The following C10orf90 variants were observed in gnomAD, a reference collection of about 807,000 sequenced individuals.
C10orf90 encodes the protein chromosome 10 open reading frame 90.
C10orf90 carries 56 observed loss-of-function variants against 62.5 expected under a neutral mutation model. The observed-to-expected ratio is 0.90, with a 90% CI of 0.72 to 1.12. The LOEUF (loss-of-function observed/expected upper bound fraction) is 1.12. C10orf90 is among the 50% of genes most tolerant of loss of function. The probability of loss-of-function intolerance (pLI) is 0.00; values close to 1 mark genes in which losing one functional copy is unlikely to be tolerated. For missense variants in C10orf90, 970 were observed against 880.4 expected (o/e 1.10, Z -1.29); for synonymous variants, 386 against 340.4 (o/e 1.13, Z -1.47).
chr10:126,457,823 C>G (rs1055987375), intron 7 of C10orf90, among the ~76,000 whole-genome samples: 1 of 152,126 alleles, frequency 6.6e-6, no homozygotes, highest in African/African-American at 2.4e-5. Context: ...CTTTATTAGG[C>G]CAGAGATGAA....
At chr10:126,496,956 G>T (rs1862095089) in intron 4 of C10orf90, among the ~76,000 whole-genome samples, 1 of 152,172 alleles carries the variant, frequency 6.6e-6, no homozygotes, top group African/African-American at 2.4e-5. Flanking sequence ...GTATAACAAT[G>T]ACCTCTACAA....
intron 7 of C10orf90, among the ~76,000 whole-genome samples, chr10:126,441,565 G>A (rs903126536): frequency 3.9e-5 from 6 of 152,230 alleles, no homozygotes; most frequent in Non-Finnish European, 7.4e-5. Flanking sequence ...AAAGATCATC[G>A]CCTAGGCACA....
At chr10:126,581,526 C>CA (rs11375362) in intron 2 of C10orf90, among the ~76,000 whole-genome samples, 90,469 of 151,816 alleles carry the variant, frequency 0.6, 27,360 homozygotes, top group African/African-American at 0.69. Flanking sequence ...TCAGGTCAGT[C>CA]ATGTTTCCTC....
chr10:126,496,535 C>T lies in C10orf90; in HGVS notation c.1534+7422G>A, dbSNP rs117642956. On this transcript the variant is annotated intron_variant, in intron 4 of 9. Transcript: ENST00000488181. ...ACAATAAAGTTGTTCCTTGACAATA[C>T]TTGATTATTCTTACCGAGTTCCTAA... The T allele has an allele frequency of 4.7e-3, 1,843 of 394,684 alleles. 7 individuals are homozygous for T. The highest frequency in any genetic ancestry group is 6.5e-3 in the Middle Eastern group (5 of 770). The allele number at this position is 394,684 out of a possible 1,614,324, so 24.4% of individuals were successfully genotyped here.
intron 2 of C10orf90, among the ~76,000 whole-genome samples, chr10:126,588,353 A>G (rs1844914990): frequency 6.6e-6 from 1 of 152,238 alleles, no homozygotes; most frequent in Admixed American, 6.5e-5. Context: ...TTCTTTAAGC[A>G]GGTCCCTGAT....
At chr10:126,492,170 T>C (rs1591003380) in intron 4 of C10orf90, among the ~76,000 whole-genome samples, 1 of 152,370 alleles carries the variant, frequency 6.6e-6, no homozygotes, top group African/African-American at 2.4e-5. Flanking sequence ...TATAAGTCAA[T>C]TGTTCTCATT....
chr10:126,429,700 A>G, intron 8 of C10orf90, 87 bp downstream of exon 8: 1 of 1,020,950 alleles, frequency 9.8e-7, no homozygotes, highest in Non-Finnish European at 1.5e-6. Flanking sequence ...ACCTAGAAGC[A>G]GTGGTCCCAT....
At chr10:126,623,897 T>A (rs1845694343) in intron 2 of C10orf90, among the ~76,000 whole-genome samples, 1 of 150,986 alleles carries the variant, frequency 6.6e-6, no homozygotes, top group Admixed American at 6.6e-5. Context: ...TGCTCCAGGC[T>A]ACAGTCCCAG....
At chr10:126,590,233 T>C (rs566614459) in intron 2 of C10orf90, among the ~76,000 whole-genome samples, 5 of 152,162 alleles carry the variant, frequency 3.3e-5, no homozygotes, top group Admixed American at 2.6e-4. Flanking sequence ...TCCCACACAA[T>C]AATAGTGGGA....
chr10:126,457,279 G>A (rs1269283879), intron 7 of C10orf90, among the ~76,000 whole-genome samples: 2 of 152,204 alleles, frequency 1.3e-5, no homozygotes, highest in African/African-American at 4.8e-5. Flanking sequence ...GTGAGCCACT[G>A]GGCCCTGCCA....
At chr10:126,501,245 G>A (rs1405285055) in intron 4 of C10orf90, among the ~76,000 whole-genome samples, 2 of 152,344 alleles carry the variant, frequency 1.3e-5, no homozygotes, top group Non-Finnish European at 2.9e-5. Flanking sequence ...GGCTGTGCAA[G>A]GACAGCCCGT....
chr10:126,641,890 A>G (rs111990024), intron 2 of C10orf90, among the ~76,000 whole-genome samples: 75 of 152,318 alleles, frequency 4.9e-4, no homozygotes, highest in African/African-American at 1.7e-3. Context: ...ATTTAACTAT[A>G]AGAAATCCAC....
At chr10:126,488,582 GA>G (rs55936006) in intron 4 of C10orf90, among the ~76,000 whole-genome samples, 20,402 of 151,820 alleles carry the variant, frequency 0.13, 1,344 homozygotes, top group Non-Finnish European at 0.15. Flanking sequence ...GATATTTGGG[GA>G]AAAAATCAAT....
chr10:126,523,944 A>G (rs1266453059), intron 2 of C10orf90, among the ~76,000 whole-genome samples: 2 of 152,172 alleles, frequency 1.3e-5, no homozygotes, highest in Non-Finnish European at 2.9e-5. Context: ...TTGAATGTAT[A>G]TACTACAATA....
intron 4 of C10orf90, among the ~76,000 whole-genome samples, chr10:126,501,199 T>C (rs1267178028): frequency 6.6e-6 from 1 of 152,190 alleles, no homozygotes; most frequent in Non-Finnish European, 1.5e-5. Flanking sequence ...TTGTGGAATC[T>C]GAAGGTCAGC....
chr10:126,529,144 C>T (rs1247861556), intron 2 of C10orf90, among the ~76,000 whole-genome samples: 2 of 152,152 alleles, frequency 1.3e-5, no homozygotes, highest in African/African-American at 4.8e-5. Context: ...CAATAAATTA[C>T]GCTGGGACAA....
Position 126,575,041 on chromosome 10 carries a change from G to A in C10orf90, c.314-61102C>T, listed in dbSNP as rs192186151. Among the ~76,000 whole-genome samples, 1,476 of 152,046 alleles carry A rather than the reference G, an allele frequency of 9.7e-3. 11 individuals carry two copies. The highest frequency in any genetic ancestry group is 0.022 in the South Asian group (106 of 4,806). ...CAAGAAAAAGAAATAAAAAACAGAA[G>A]CATTAGAAAGGAAAAAATGAAATTT... is the stretch of plus-strand genomic sequence containing the variant. On this transcript the variant is annotated intron_variant, in intron 2 of 9. Coordinates refer to ENST00000488181, the MANE Select transcript of C10orf90 (RefSeq NM_001350921.2).
intron 7 of C10orf90, among the ~76,000 whole-genome samples, chr10:126,436,871 C>T (rs1857954945): frequency 6.6e-6 from 1 of 151,764 alleles, no homozygotes; most frequent in Non-Finnish European, 1.5e-5. Context: ...ACTTTGTTGC[C>T]CAAGATGGTC....
chr10:126,641,467 C>T (rs764050639), intron 2 of C10orf90, among the ~76,000 whole-genome samples: 1 of 152,018 alleles, frequency 6.6e-6, no homozygotes, highest in African/African-American at 2.4e-5. Context: ...ATTCCACGCC[C>T]CCCGCCATCC....
Sources: gnomAD v4.1 joint callset for allele counts (sites outside exome capture counted in the v4.1 genomes callset) on GRCh38, gnomAD v4.1.1 for gene constraint, MANE v1.5 for transcripts, NCBI Gene and HGNC (gene_info 2026-07-23, HGNC 2026-07-21) for gene names.